Variants in DCC observed in about 807,000 individuals in gnomAD.
DCC encodes netrin receptor DCC.
In DCC, 58 loss-of-function variants were observed where a neutral mutation model predicts 172.5. The ratio of observed to expected loss-of-function variants is 0.34; its 90% CI spans 0.27 to 0.42. The LOEUF is 0.42. Among genes scored for constraint, DCC ranks in the 10% least tolerant of loss-of-function variants. The pLI is 1.00. For synonymous variants in DCC, 709 were observed against 644.5 expected, an observed-to-expected ratio of 1.10 and a Z score of -1.52; for missense variants, 1,740 against 1,791.0, an observed-to-expected ratio of 0.97 and a Z score of 0.51.
At chr18:53,123,711 T>G (rs1282153182) in intron 7 of DCC, among the ~76,000 whole-genome samples, 1 of 152,078 alleles carries the variant, frequency 6.6e-6, no homozygotes, top group Non-Finnish European at 1.5e-5. Flanking sequence ...TTCTTTCTAT[T>G]ACTTTCTTCC....
chr18:52,765,023 C>CTTTTTTTTTTTTTTTTT (rs963400763), intron 2 of DCC, among the ~76,000 whole-genome samples: 1 of 142,364 alleles, frequency 7.0e-6, no homozygotes, highest in East Asian at 2.0e-4. Flanking sequence ...ATTTTCTTTT[C>CTTTTTTTTTTTTTTTTT]TTTTTTTTCT....
intron 3 of DCC, among the ~76,000 whole-genome samples, chr18:52,922,131 T>C (rs2040136155): frequency 6.6e-6 from 1 of 152,184 alleles, no homozygotes. Flanking sequence ...ACAGTATTGA[T>C]ATAATAAAGA....
intron 7 of DCC, among the ~76,000 whole-genome samples, chr18:53,083,484 T>G (rs1375972774): frequency 1.3e-5 from 2 of 152,210 alleles, no homozygotes; most frequent in Non-Finnish European, 2.9e-5. Context: ...GACCCCTTTT[T>G]GTTGACTATT....
intron 1 of DCC, among the ~76,000 whole-genome samples, chr18:52,373,307 T>G (rs571558598): frequency 6.6e-6 from 1 of 152,216 alleles, no homozygotes; most frequent in South Asian, 2.1e-4. Context: ...TCTGAGAGTG[T>G]GTGATGCAAG....
chr18:52,553,676 T>A (rs1022911064), intron 1 of DCC, among the ~76,000 whole-genome samples: 2 of 151,808 alleles, frequency 1.3e-5, no homozygotes, highest in Non-Finnish European at 2.9e-5. Context: ...AATGACAGTG[T>A]AAGGAGGGCA....
rs530676254 is a variant in DCC, at chr18:52,777,101, C to T, written c.412+24727C>T. Reference sequence around the variant, plus strand: ...AATTACCTTATAAAATGTTATTTATCTTAAAATTGAGTGTTTTGGTGCCCC... The same window carrying T: ...AATTACCTTATAAAATGTTATTTATTTTAAAATTGAGTGTTTTGGTGCCCC... On this transcript the variant is annotated intron_variant, in intron 2 of 28. Transcript: ENST00000442544. 2.6e-5 allele frequency among the ~76,000 whole-genome samples: 4 copies of T among 152,178 alleles called. No individual in the cohort carries two copies. In the South Asian group the frequency reaches 8.3e-4, roughly 32 times the overall value.
At chr18:52,656,893 C>A (rs1202539265) in intron 1 of DCC, among the ~76,000 whole-genome samples, 1 of 151,988 alleles carries the variant, frequency 6.6e-6, no homozygotes, top group Admixed American at 6.6e-5. Flanking sequence ...AACATATGTC[C>A]CCACCCAGAT....
intron 1 of DCC, among the ~76,000 whole-genome samples, chr18:52,488,084 G>T (rs1454734): frequency 0.057 from 8,737 of 152,098 alleles, 313 homozygotes; most frequent in South Asian, 0.12. Context: ...GCATAGGTTT[G>T]GGAAGAAAAA....
intron 8 of DCC, among the ~76,000 whole-genome samples, chr18:53,164,726 C>T (rs1262468808): frequency 2.0e-5 from 3 of 152,162 alleles, no homozygotes; most frequent in African/African-American, 7.2e-5. Flanking sequence ...TTCTTATTAG[C>T]TAATGCCATG....
intron 5 of DCC, among the ~76,000 whole-genome samples, chr18:53,009,828 A>G (rs1305801030): frequency 6.6e-6 from 1 of 151,924 alleles, no homozygotes; most frequent in Non-Finnish European, 1.5e-5. Context: ...CCTGCAGGCT[A>G]ACTCAATTGG....
chr18:53,064,232 C>A (rs2042536662), intron 6 of DCC, among the ~76,000 whole-genome samples: 1 of 152,080 alleles, frequency 6.6e-6, no homozygotes, highest in Admixed American at 6.6e-5. Context: ...GTAGCTTTTG[C>A]TGTTACTGGC....
intron 1 of DCC, among the ~76,000 whole-genome samples, chr18:52,646,849 CT>C (rs1456662775): frequency 6.6e-6 from 1 of 152,170 alleles, no homozygotes; most frequent in African/African-American, 2.4e-5. Flanking sequence ...AGCTCCCTCT[CT>C]TTTCCTGGAA....
intron 1 of DCC, among the ~76,000 whole-genome samples, chr18:52,452,168 A>G (rs1012874455): frequency 1.3e-5 from 2 of 152,216 alleles, no homozygotes; most frequent in Non-Finnish European, 2.9e-5. Context: ...GGCATTGCAG[A>G]TACCTAAACA....
intron 1 of DCC, among the ~76,000 whole-genome samples, chr18:52,359,471 T>C (rs905451049): frequency 3.3e-5 from 5 of 152,152 alleles, no homozygotes; most frequent in Admixed American, 1.3e-4. Flanking sequence ...GTTCTGGTGA[T>C]TGGCATGGTA....
rs1232363771 is a variant in DCC at position 53,086,276 on chromosome 18, TTTC to T, written c.1261+20129_1261+20131del. ...TTCTTCTTCTTCTTCTTCTTCTTCC[TTTC>T]TTCTTCTTCTTCTTCTTCCTTTCTT... On this transcript the variant is annotated intron_variant, in intron 7 of 28. Transcript: ENST00000442544. Among the ~76,000 whole-genome samples, 33 of 41,610 alleles carry T rather than the reference TTTC, an allele frequency of 7.9e-4. 7 individuals are homozygous for T. The highest frequency in any genetic ancestry group is 3.5e-3 in the East Asian group (7 of 1,998). The allele number at this position is 41,610 out of a possible 152,430, so 27.3% of individuals were successfully genotyped here.
In DCC at chr18:52,752,074, A is replaced by G; in HGVS notation, c.112A>G (p.Thr38Ala). 1.2e-6 allele frequency: 2 copies of G among 1,614,110 alleles called. No homozygotes were observed. Among genetic ancestry groups the G allele is most frequent in the Non-Finnish European group, 1.7e-6 (2 of 1,180,008 alleles). ...TCCAGGTTTTCAAATTAAAGCTTTC[A>G]CAGCACTGCGCTTCCTCTCAGAACC... Reference protein sequence around the residue: ...QVTGFQIKAFTALRFLSEPSD... With the variant: ...QVTGFQIKAFAALRFLSEPSD... The change falls in exon 2 of 29, where the codon ACA (threonine) becomes GCA (alanine). Residue 38 changes from threonine to alanine, a missense_variant. Thr to Ala is a moderately conservative substitution (Grantham distance 58). Coordinates refer to ENST00000442544, the MANE Select transcript of DCC (RefSeq NM_005215.4).
chr18:53,172,990 A>G (rs1200283733), intron 8 of DCC, among the ~76,000 whole-genome samples: 1 of 152,160 alleles, frequency 6.6e-6, no homozygotes, highest in Non-Finnish European at 1.5e-5. Context: ...CTATATCAGT[A>G]AGGTACCTGA....
At chr18:53,195,787 C>T (rs187116466) in intron 9 of DCC, among the ~76,000 whole-genome samples, 1 of 152,152 alleles carries the variant, frequency 6.6e-6, no homozygotes, top group Non-Finnish European at 1.5e-5. Context: ...CGTTATCATC[C>T]CAGATTCCTA....
At chr18:52,833,862 C>T (rs2038658516) in intron 2 of DCC, among the ~76,000 whole-genome samples, 1 of 152,174 alleles carries the variant, frequency 6.6e-6, no homozygotes, top group Admixed American at 6.5e-5. Context: ...TAGTGGCTCG[C>T]TACATAGCCC....
Sources: allele counts gnomAD v4.1 joint callset (sites outside exome capture counted in the v4.1 genomes callset), GRCh38; gene constraint gnomAD v4.1.1; transcripts MANE v1.5; gene names NCBI Gene and HGNC (gene_info 2026-07-23, HGNC 2026-07-21).